The following AGMO variants were observed in gnomAD, a reference collection of about 807,000 sequenced individuals.
AGMO encodes the protein alkylglycerol monooxygenase, also known as glyceryl-ether monooxygenase.
AGMO carries 75 observed loss-of-function variants against 60.2 expected under a neutral mutation model. That is an observed-to-expected ratio of 1.25 (90% CI 1.03 to 1.51). The LOEUF is 1.51. Ranked by LOEUF, AGMO falls within the 40% of genes most tolerant of loss-of-function variation. AGMO has a pLI of 0.00. For synonymous variants in AGMO, 261 were observed against 177.1 expected, an observed-to-expected ratio of 1.47 and a Z score of -3.76; for missense variants, 763 against 525.5, an observed-to-expected ratio of 1.45 and a Z score of -4.42.
intron 3 of AGMO, among the ~76,000 whole-genome samples, chr7:15,431,558 T>C (rs954930188): frequency 7.9e-5 from 12 of 151,802 alleles, no homozygotes; most frequent in Non-Finnish European, 1.8e-4. Flanking sequence ...TGGAATAAAA[T>C]ATTAATGAAA....
At chr7:15,169,095 A>G in the AGMO span, among the ~76,000 whole-genome samples, 4 of 152,332 alleles carry the variant, frequency 2.6e-5, no homozygotes, top group South Asian at 8.3e-4. Flanking sequence ...AGACCTCAAT[A>G]AAGTGACAAA....
At chr7:15,498,950 TC>T (rs2128524265) in intron 3 of AGMO, among the ~76,000 whole-genome samples, 1 of 152,002 alleles carries the variant, frequency 6.6e-6, no homozygotes, top group East Asian at 1.9e-4. Flanking sequence ...AATTATTTCA[TC>T]CCCAAAGAAA....
At chr7:15,247,589 GAC>G (rs1368914662) in intron 12 of AGMO, among the ~76,000 whole-genome samples, 1 of 151,794 alleles carries the variant, frequency 6.6e-6, no homozygotes, top group Non-Finnish European at 1.5e-5. Flanking sequence ...AACATACACA[GAC>G]ACATTCACAG....
At chr7:15,197,753 G>C (rs192754843), downstream of AGMO, among the ~76,000 whole-genome samples, 1 of 152,248 alleles carries the variant, frequency 6.6e-6, no homozygotes, top group Non-Finnish European at 1.5e-5. Flanking sequence ...CTTATCCTGA[G>C]AACTTTTTTT....
chr7:15,185,408 A>G, the AGMO span, among the ~76,000 whole-genome samples: 1 of 151,948 alleles, frequency 6.6e-6, no homozygotes, highest in Non-Finnish European at 1.5e-5. Context: ...ATACTTGTTG[A>G]AAAAACTACC....
chr7:15,333,193 G>A (rs931610166), intron 12 of AGMO, among the ~76,000 whole-genome samples: 5 of 152,100 alleles, frequency 3.3e-5, no homozygotes, highest in East Asian at 1.9e-4. Flanking sequence ...ATCCCAGCAG[G>A]TGTCAAGACT....
In AGMO at chr7:15,365,602, A is replaced by AT. The variant is rs763242489; in HGVS notation, c.1174dup (p.Met392AsnfsTer30). 10 of 1,612,420 alleles carry AT rather than the reference A, an allele frequency of 6.2e-6. No homozygotes were observed. The Admixed American group carries it at 1.5e-4, about 24-fold the overall frequency. ...GAACATCAAGCAACGGAGAGTTTCC[A>AT]TAATAGCTGCCTTGGGTCTGAAATA... On this transcript the variant is annotated frameshift_variant, in exon 12 of 13. Transcript: ENST00000342526. LOFTEE classifies it high-confidence loss of function.
At chr7:15,179,507 T>G in the AGMO span, among the ~76,000 whole-genome samples, 1 of 152,152 alleles carries the variant, frequency 6.6e-6, no homozygotes, top group Non-Finnish European at 1.5e-5. Flanking sequence ...GAGCTCCATT[T>G]CCTAAATTCT....
chr7:15,267,822 A>C lies in AGMO; in HGVS notation c.1264-66463T>G, dbSNP rs377011544. On this transcript the variant is annotated intron_variant, in intron 12 of 12. Coordinates refer to ENST00000342526, the MANE Select transcript of AGMO (RefSeq NM_001004320.2). The stretch of plus-strand genomic sequence containing the variant: ...TTAGGTCTTGTTTCCCAAAACGCTA[A>C]AGCAGAGTATTTCAAGATATTAGAA... 4.6e-5 allele frequency among the ~76,000 whole-genome samples: 7 copies of C among 152,034 alleles called. No homozygotes were observed. In the East Asian group the frequency reaches 5.8e-4, roughly 13 times the overall value.
chr7:15,385,947 G>A (rs1408724477), intron 9 of AGMO, among the ~76,000 whole-genome samples: 2 of 152,006 alleles, frequency 1.3e-5, no homozygotes, highest in South Asian at 2.1e-4. Flanking sequence ...TTGGGAGGCC[G>A]AGGCAGGCGG....
chr7:15,493,259 TG>T (rs1162684661), intron 3 of AGMO, among the ~76,000 whole-genome samples: 1 of 151,804 alleles, frequency 6.6e-6, no homozygotes, highest in Non-Finnish European at 1.5e-5. Flanking sequence ...TTTGTCCATA[TG>T]TTTTGTTAGT....
intron 12 of AGMO, among the ~76,000 whole-genome samples, chr7:15,277,834 T>TG (rs1027259554): frequency 1.1e-4 from 16 of 152,250 alleles, no homozygotes; most frequent in African/African-American, 3.9e-4. Flanking sequence ...CAGGCCCAGG[T>TG]GGGGTCAGGC....
chr7:15,155,432 T>C, the AGMO span, among the ~76,000 whole-genome samples: 1 of 141,760 alleles, frequency 7.1e-6, no homozygotes, highest in Non-Finnish European at 1.5e-5. Flanking sequence ...TTTTTTTTTT[T>C]TTTTTTTTTT....
the AGMO span, among the ~76,000 whole-genome samples, chr7:15,131,741 A>T: frequency 1.4e-5 from 2 of 144,266 alleles, no homozygotes; most frequent in African/African-American, 5.1e-5. Flanking sequence ...CTTAGGCTTA[A>T]AAAGCCAAAG....
At chr7:15,424,751 G>A (rs551003724) in intron 4 of AGMO, among the ~76,000 whole-genome samples, 2 of 152,222 alleles carry the variant, frequency 1.3e-5, no homozygotes, top group African/African-American at 4.8e-5. Context: ...GGAGTTCCGA[G>A]GCAAAGTTCT....
intron 3 of AGMO, among the ~76,000 whole-genome samples, chr7:15,527,378 C>A (rs934459514): frequency 2.0e-5 from 3 of 152,194 alleles, no homozygotes; most frequent in Non-Finnish European, 4.4e-5. Flanking sequence ...AAACTAGCCA[C>A]AATTTCCTTT....
Position 15,242,768 on chromosome 7 carries a change from T to C in AGMO, c.1264-41409A>G, listed in dbSNP as rs1185588562. On this transcript the variant is annotated intron_variant, in intron 12 of 12. Coordinates refer to ENST00000342526, the MANE Select transcript of AGMO (RefSeq NM_001004320.2). Reference sequence around the variant, plus strand: ...AGGGGAAAACACATGATAATCTTAATATACAAAATATAAAATAAATATGTG... The same window carrying C: ...AGGGGAAAACACATGATAATCTTAACATACAAAATATAAAATAAATATGTG... Among the ~76,000 whole-genome samples, 3 of 152,150 alleles carry C rather than the reference T, an allele frequency of 2.0e-5. No individual in the cohort carries two copies. The East Asian group carries it at 5.8e-4, about 29-fold the overall frequency.
intron 2 of AGMO, 116 bp from the exon 3 acceptor site, chr7:15,545,039 T>G (rs1279832950): frequency 2.8e-6 from 2 of 722,666 alleles, no homozygotes; most frequent in African/African-American, 1.8e-5. Context: ...TGAAACTCTT[T>G]CTTCTACTTT....
chr7:15,180,959 T>C, the AGMO span, among the ~76,000 whole-genome samples: 2 of 152,210 alleles, frequency 1.3e-5, no homozygotes, highest in South Asian at 2.1e-4. Flanking sequence ...AAGGGATACA[T>C]AGATAAAACT....
Sources: gnomAD v4.1 joint callset for allele counts (sites outside exome capture counted in the v4.1 genomes callset) on GRCh38, gnomAD v4.1.1 for gene constraint, MANE v1.5 for transcripts, NCBI Gene and HGNC (gene_info 2026-07-23, HGNC 2026-07-21) for gene names.